The following SVEP1 variants were observed in gnomAD, a reference collection of about 807,000 sequenced individuals.
SVEP1 encodes the protein sushi, von Willebrand factor type A, EGF and pentraxin domain-containing protein 1.
SVEP1 carries 164 observed loss-of-function variants against 367.3 expected under a neutral mutation model. That is an observed-to-expected ratio of 0.45 (90% CI 0.39 to 0.51). SVEP1 has a LOEUF of 0.51. Ranked by LOEUF, SVEP1 falls within the 20% of genes least tolerant of loss-of-function variation. The pLI is 0.00. For synonymous variants in SVEP1, 1,666 were observed against 1,611.6 expected, an observed-to-expected ratio of 1.03 and a Z score of -0.81; for missense variants, 4,117 against 4,425.3, an observed-to-expected ratio of 0.93 and a Z score of 1.98.
At position 110,411,676 on chromosome 9, in the gene SVEP1, C is replaced by T; in HGVS notation, c.6035G>A (p.Ser2012Asn). ...ECLADGKWSR[S>N]DQQCLAVSCD... ...GGAGACAGCCAGGCACTGCTGGTCA[C>T]TTCTACTCCACTTGCCGTCGGCCAG... Residue 2012 changes from serine (S) to asparagine (N), a missense_variant, in exon 37 of 48, where the codon AGT becomes AAT. This residue lies in a region of SVEP1 where 2,174 missense variants were observed against 2,494.3 expected (regional missense o/e 0.87). Coordinates refer to ENST00000374469, the MANE Select transcript of SVEP1 (RefSeq NM_153366.4). 6.2e-7 allele frequency: 1 copy of T among 1,604,102 alleles called. No homozygotes were observed. Among genetic ancestry groups the T allele is most frequent in the Non-Finnish European group, 8.5e-7 (1 of 1,175,324 alleles).
At chr9:110,483,417 A>T (rs1588075183) in intron 10 of SVEP1, among the ~76,000 whole-genome samples, 169 bp downstream of exon 10, 1 of 152,342 alleles carries the variant, frequency 6.6e-6, no homozygotes, top group Admixed American at 6.5e-5. Context: ...TAAGATTGAT[A>T]ATGTTAAATT....
intron 35 of SVEP1, among the ~76,000 whole-genome samples, chr9:110,428,399 A>AAC (rs113743775): frequency 0.14 from 17,331 of 120,148 alleles, 1,302 homozygotes; most frequent in South Asian, 0.27. Flanking sequence ...CCTCTGTTTA[A>AAC]ACACACACAC....
At chr9:110,399,394 C>G (rs1433441380) in intron 40 of SVEP1, among the ~76,000 whole-genome samples, 1 of 151,670 alleles carries the variant, frequency 6.6e-6, no homozygotes, top group East Asian at 1.9e-4. Flanking sequence ...TGCTAAATGA[C>G]GAATTAATGG....
chr9:110,437,871 C>CCT (rs1430742538), intron 27 of SVEP1, among the ~76,000 whole-genome samples: 2 of 151,998 alleles, frequency 1.3e-5, no homozygotes, highest in African/African-American at 2.4e-5. Context: ...TCCAAAGATC[C>CCT]CTCCTTCATG....
intron 18 of SVEP1, among the ~76,000 whole-genome samples, chr9:110,459,526 T>A (rs902112544): frequency 1.3e-5 from 2 of 152,190 alleles, no homozygotes; most frequent in Admixed American, 6.5e-5. Flanking sequence ...TTATAAATAA[T>A]GCTGAAGTAA....
chr9:110,552,249 C>G (rs1473295059), intron 1 of SVEP1, among the ~76,000 whole-genome samples: 1 of 151,892 alleles, frequency 6.6e-6, no homozygotes, highest in Non-Finnish European at 1.5e-5. Context: ...CCAGGATGGT[C>G]TTGATCTCCT....
At chr9:110,497,113 G>A (rs1376913399) in intron 7 of SVEP1, among the ~76,000 whole-genome samples, 180 bp from the exon 8 acceptor site, 2 of 152,228 alleles carry the variant, frequency 1.3e-5, no homozygotes, top group South Asian at 2.1e-4. Flanking sequence ...CATGGCTTAC[G>A]AGCCCAATCT....
chr9:110,390,879 T>G (rs7847265), intron 40 of SVEP1, among the ~76,000 whole-genome samples: 1 of 151,996 alleles, frequency 6.6e-6, no homozygotes, highest in Non-Finnish European at 1.5e-5. Flanking sequence ...AAGAAACTTC[T>G]GTGTAGACAT....
At chr9:110,502,963 G>T in intron 6 of SVEP1, 75 bp downstream of exon 6, 1 of 1,482,274 alleles carries the variant, frequency 6.7e-7, no homozygotes, top group Non-Finnish European at 9.1e-7. Context: ...TTAGTTTTAG[G>T]TCTTCACAGA....
intron 38 of SVEP1, among the ~76,000 whole-genome samples, chr9:110,405,033 C>CA (rs917810337): frequency 3.3e-5 from 5 of 151,726 alleles, no homozygotes; most frequent in African/African-American, 7.3e-5. Flanking sequence ...CTCAAAAAAC[C>CA]AAAAAACAAA....
chr9:110,474,876 A>T (rs1203293570), intron 14 of SVEP1, among the ~76,000 whole-genome samples: 1 of 152,056 alleles, frequency 6.6e-6, no homozygotes. Context: ...TATTTAGTGA[A>T]TAAAAATGTC....
At chr9:110,544,703 A>G (rs1830196113) in intron 3 of SVEP1, among the ~76,000 whole-genome samples, 2 of 152,198 alleles carry the variant, frequency 1.3e-5, no homozygotes, top group African/African-American at 4.8e-5. Context: ...ACATGTATAT[A>G]ATGTGTAATG....
chr9:110,459,876 A>C (rs555529197), intron 18 of SVEP1, among the ~76,000 whole-genome samples: 1 of 152,056 alleles, frequency 6.6e-6, no homozygotes, highest in South Asian at 2.1e-4. Flanking sequence ...GCTTATTAGA[A>C]ATTTTATTTC....
At chr9:110,566,324 T>TAATA (rs199990111) in intron 1 of SVEP1, among the ~76,000 whole-genome samples, 3,788 of 141,932 alleles carry the variant, frequency 0.027, 64 homozygotes, top group Non-Finnish European at 0.03. Context: ...CCTGTCTCCA[T>TAATA]AATAAATAAA....
chr9:110,541,798 TATATATCTATATACATAGATATCTA>T, intron 3 of SVEP1, among the ~76,000 whole-genome samples: 1 of 134,272 alleles, frequency 7.4e-6, no homozygotes, highest in Admixed American at 7.5e-5. Flanking sequence ...TAGATATCTA[TATATATCTATATACATAGATATCTA>T]TATATATCTA....
At chr9:110,435,195 G>A (rs1466014856) in intron 29 of SVEP1, 46 bp downstream of exon 29, 5 of 1,603,202 alleles carry the variant, frequency 3.1e-6, no homozygotes, top group Non-Finnish European at 4.3e-6. Context: ...GACAGTCCCA[G>A]GGTGGTCAAG....
chr9:110,546,276 C>T lies in SVEP1; in HGVS notation c.803G>A (p.Ser268Asn), dbSNP rs1384581081. The change falls in exon 3 of 48, where the codon AGT becomes AAT. Residue 268 changes from serine to asparagine, a missense_variant. Ser to Asn is a conservative substitution (Grantham distance 46, BLOSUM62 1). Around this residue, in one of 4 missense-constraint regions of SVEP1, gnomAD observed 2,174 missense variants for 2,494.3 expected, o/e 0.87. Transcript: ENST00000374469. ...GTGGACCATATCATCTTGAATAAAA[C>T]TCCCAGAAGGTAGATCTACAAATAA... ...RALHEDLPSG[S>N]FIQDDMVHCS... 3 of 1,590,414 alleles carry T rather than the reference C, an allele frequency of 1.9e-6. No individual in the cohort carries two copies. The highest frequency in any genetic ancestry group is 2.6e-6 in the Non-Finnish European group (3 of 1,167,916).
chr9:110,488,176 G>GT (rs1483720616), intron 9 of SVEP1, among the ~76,000 whole-genome samples: 1 of 152,180 alleles, frequency 6.6e-6, no homozygotes, highest in Admixed American at 6.5e-5. Context: ...TTTTCGCTTG[G>GT]TAGCTAGGTG....
Position 110,390,188 on chromosome 9 carries a change from C to CAT in SVEP1, c.9823-602_9823-601insAT, listed in dbSNP as rs1214591628. Among the ~76,000 whole-genome samples, 58 of 6,472 alleles carry CAT rather than the reference C, an allele frequency of 9.0e-3. 1 individual carries two copies. Among genetic ancestry groups the CAT allele is most frequent in the African/African-American group, 0.041 (47 of 1,156 alleles). The allele number at this position is 6,472 out of a possible 152,430, so 4.2% of individuals were successfully genotyped here. A position where few individuals can be genotyped will look rare whatever the true frequency, so the allele number is the denominator to read the frequency against. On this transcript the variant is annotated intron_variant, in intron 40 of 47. Coordinates refer to ENST00000374469, the MANE Select transcript of SVEP1 (RefSeq NM_153366.4). ...TTATATAAGTATGTATGTATATATACACTTATATAAGTATGTATGTATATA... is the reference window on the plus strand; with the variant it reads ...TTATATAAGTATGTATGTATATATACATACTTATATAAGTATGTATGTATATA...
Sources: allele counts gnomAD v4.1 joint callset (sites outside exome capture counted in the v4.1 genomes callset), GRCh38; gene constraint gnomAD v4.1.1; regional missense constraint gnomAD v4.1.1; transcripts MANE v1.5; gene names NCBI Gene and HGNC (gene_info 2026-07-23, HGNC 2026-07-21).